KIF13B: variants seen among roughly 807,000 people sequenced by gnomAD.
The protein encoded by KIF13B is kinesin-like protein KIF13B.
In KIF13B, 127 loss-of-function variants were observed where a neutral mutation model predicts 222.0. The ratio of observed to expected loss-of-function variants is 0.57; its 90% CI spans 0.50 to 0.66. The LOEUF (loss-of-function observed/expected upper bound fraction) is 0.66, where lower values mean the gene tolerates loss of function less well. KIF13B is among the 30% of genes least tolerant of loss of function. KIF13B has a pLI of 0.00. For missense variants in KIF13B, 2,173 were observed against 2,379.0 expected, an observed-to-expected ratio of 0.91 and a Z score of 1.80; for synonymous variants, 976 against 919.0, an observed-to-expected ratio of 1.06 and a Z score of -1.12.
At position 29,070,537 on chromosome 8, in the gene KIF13B, C is replaced by A; in HGVS notation, c.5448G>T (p.Lys1816Asn). 1 of 1,610,080 alleles carries A rather than the reference C, an allele frequency of 6.2e-7. No individual in the cohort carries two copies. The highest frequency in any genetic ancestry group is 8.5e-7 in the Non-Finnish European group (1 of 1,178,742). ...CCCAGGATTTCCGGTTCTCAGGGTT[C>A]TTGTGGCTCCTGTCGGCCTTGGCCA... ...AALAKADRSH[K>N]NPENRKSWAS Residue 1816 changes from lysine (K) to asparagine (N), a missense_variant, in exon 40 of 40, where the codon AAG becomes AAT. Lys to Asn is a moderately conservative substitution (Grantham distance 94). Around this residue, in one of 2 missense-constraint regions of KIF13B, gnomAD observed 693 missense variants for 656.2 expected, o/e 1.06. Transcript: ENST00000524189. This position sits in a 1 kb window ranked among gnomAD's most constrained non-coding sequence, Gnocchi z 4.1.
chr8:29,168,807 AC>A (rs1460386100), intron 10 of KIF13B, among the ~76,000 whole-genome samples: 2 of 152,168 alleles, frequency 1.3e-5, no homozygotes, highest in African/African-American at 4.8e-5. Flanking sequence ...AGCCACACGC[AC>A]CCGGAGTCCT....
chr8:29,137,184 A>G (rs1238828707), intron 21 of KIF13B, among the ~76,000 whole-genome samples: 2 of 152,172 alleles, frequency 1.3e-5, no homozygotes, highest in Non-Finnish European at 2.9e-5. Flanking sequence ...TTACCATTCA[A>G]AATTAATCAC....
At position 29,260,777 on chromosome 8, in the gene KIF13B, C is replaced by T. The variant is rs59159612; in HGVS notation, c.55+2203G>A. Among the ~76,000 whole-genome samples the T allele has an allele frequency of 1.1e-3, 162 of 152,130 alleles. 1 individual carries two copies. The highest frequency in any genetic ancestry group is 3.6e-3 in the African/African-American group (151 of 41,508). Reference sequence around the variant, plus strand: ...GATTACAGGCGTCCACCACCACGCCCGGCTAATTTTTTGTATTTTTAGTAG... The same window carrying T: ...GATTACAGGCGTCCACCACCACGCCTGGCTAATTTTTTGTATTTTTAGTAG... On this transcript the variant is annotated intron_variant, in intron 1 of 39. Transcript: ENST00000524189.
At chr8:29,092,278 A>ACCCT (rs2133548165) in intron 37 of KIF13B, among the ~76,000 whole-genome samples, 1 of 152,352 alleles carries the variant, frequency 6.6e-6, no homozygotes, top group East Asian at 1.9e-4. Context: ...GTTTTAAGAG[A>ACCCT]AAAGGATATA....
At chr8:29,196,286 G>A (rs1813419684) in intron 2 of KIF13B, 87 bp from the exon 3 acceptor site, 2 of 1,067,674 alleles carry the variant, frequency 1.9e-6, no homozygotes, top group East Asian at 2.6e-5. Flanking sequence ...TTTTTTTGAA[G>A]GGTAAAATAA....
chr8:29,193,560 T>C (rs1198328069), intron 3 of KIF13B, among the ~76,000 whole-genome samples: 1 of 152,236 alleles, frequency 6.6e-6, no homozygotes, highest in African/African-American at 2.4e-5. Context: ...ATCCTGATTC[T>C]TGTAAGCTTA....
At position 29,146,487 on chromosome 8, in the gene KIF13B, G is replaced by A. The variant is rs1811064256; in HGVS notation, c.2078C>T (p.Ala693Val). 1 of 1,613,566 alleles carries A rather than the reference G, an allele frequency of 6.2e-7. No homozygotes were observed. The highest frequency in any genetic ancestry group is 1.3e-5 in the African/African-American group (1 of 74,848). The change falls in exon 18 of 40, where the codon GCC (alanine) becomes GTC (valine). Residue 693 changes from alanine to valine, a missense_variant. By Grantham distance (64) the Ala-to-Val change is moderately conservative (BLOSUM62 0). Around this residue, in one of 2 missense-constraint regions of KIF13B, gnomAD observed 1,480 missense variants for 1,722.8 expected, o/e 0.86. Transcript: ENST00000524189. The part of the protein sequence containing the change: ...LMRLREQIVK[A>V]NLLVREANYI... ...ATTAGCTTCTCTCACCAATAGATTG[G>A]CCTTAACAATTTGTTCCCTCAGCCT...
At position 29,070,411 on chromosome 8, in the gene KIF13B, G is replaced by A; in HGVS notation, c.*93C>T. 7.0e-7 allele frequency: 1 copy of A among 1,423,534 alleles called. No individual in the cohort carries two copies. Among genetic ancestry groups the A allele is most frequent in the Non-Finnish European group, 9.6e-7 (1 of 1,040,776 alleles). The allele number at this position is 1,423,534 out of a possible 1,614,324, so 88.2% of individuals were successfully genotyped here. ...CATTCATCGCCCTGCCCCTGGGGAA[G>A]GGGCCACCGGGCTCCTGGCTCCTCA... On this transcript the variant is annotated 3_prime_UTR_variant, in exon 40 of 40. Transcript: ENST00000524189. This position sits in a 1 kb window ranked among gnomAD's most constrained non-coding sequence, Gnocchi z 4.1.
At chr8:29,190,007 T>C (rs955920857) in intron 4 of KIF13B, 2 of 152,258 alleles carry the variant, frequency 1.3e-5, no homozygotes, top group Non-Finnish European at 2.9e-5. Flanking sequence ...GGTACTCATA[T>C]ATATCCTATG....
intron 35 of KIF13B, among the ~76,000 whole-genome samples, chr8:29,103,928 C>T (rs1408055388): frequency 6.6e-6 from 1 of 152,190 alleles, no homozygotes; most frequent in Non-Finnish European, 1.5e-5. Flanking sequence ...ATCCCCAGCC[C>T]TGCACGGAAG....
At chr8:29,166,475 T>C (rs1409015999) in intron 11 of KIF13B, among the ~76,000 whole-genome samples, 1 of 151,536 alleles carries the variant, frequency 6.6e-6, no homozygotes, top group Non-Finnish European at 1.5e-5. Context: ...GAGGCGGGCG[T>C]ATCACCTGAG....
At chr8:29,157,467 C>A (rs1337756878) in intron 13 of KIF13B, among the ~76,000 whole-genome samples, 2 of 150,182 alleles carry the variant, frequency 1.3e-5, no homozygotes, top group South Asian at 4.2e-4. Context: ...CTTTGGGAGG[C>A]TGAGGTGGGT....
At chr8:29,196,306 T>C in intron 2 of KIF13B, 107 bp from the exon 3 acceptor site, 2 of 897,112 alleles carry the variant, frequency 2.2e-6, no homozygotes, top group Non-Finnish European at 1.7e-6. Context: ...ATAAACATTA[T>C]GTAAATTCAC....
rs763855582 is a variant in KIF13B, at chr8:29,067,319, T to G, written c.*3185A>C. The G allele has an allele frequency of 9.8e-5, 15 of 152,690 alleles. No individual in the cohort carries two copies. The highest frequency in any genetic ancestry group is 3.9e-4 in the East Asian group (2 of 5,186). 9.5% of individuals were successfully genotyped at this position (152,690 alleles called of 1,614,324 possible). A position where few individuals can be genotyped will look rare whatever the true frequency, so the allele number is the denominator to read the frequency against. On this transcript the variant is annotated 3_prime_UTR_variant, in exon 40 of 40. Transcript: ENST00000524189. ...TCTGGTTTTATTGAGAAGCTGTTGGTCATTTGATGGAAAGACACATACGGT... is the reference window on the plus strand; with the variant it reads ...TCTGGTTTTATTGAGAAGCTGTTGGGCATTTGATGGAAAGACACATACGGT...
chr8:29,078,223 A>C (rs1477089496), intron 37 of KIF13B, among the ~76,000 whole-genome samples: 2 of 148,598 alleles, frequency 1.3e-5, no homozygotes, highest in African/African-American at 5.0e-5. Flanking sequence ...TGAACCTGGG[A>C]GGTGGAGGTT....
chr8:29,165,796 T>C (rs1484937069), intron 11 of KIF13B, 24 bp from the exon 12 acceptor site: 2 of 1,524,118 alleles, frequency 1.3e-6, no homozygotes, highest in Non-Finnish European at 1.8e-6. Flanking sequence ...GTTTACTTCA[T>C]GAAATGTCTA....
chr8:29,122,565 C>T (rs1223901841), intron 29 of KIF13B, 26 bp downstream of exon 29: 1 of 1,589,350 alleles, frequency 6.3e-7, no homozygotes, highest in South Asian at 1.1e-5. Flanking sequence ...CAGAGGTAAG[C>T]CTTCAGAAAA....
chr8:29,191,296 C>T (rs1813173134), intron 3 of KIF13B, among the ~76,000 whole-genome samples: 2 of 152,184 alleles, frequency 1.3e-5, no homozygotes, highest in African/African-American at 4.8e-5. Context: ...CACACACATG[C>T]ACCTACAGTC....
chr8:29,090,710 TTTTTA>T (rs1808259491), intron 37 of KIF13B, among the ~76,000 whole-genome samples: 2 of 152,346 alleles, frequency 1.3e-5, no homozygotes, highest in Non-Finnish European at 2.9e-5. Context: ...TGTATTTTTA[TTTTTA>T]TTTATTTACT....
Sources: allele counts gnomAD v4.1 joint callset (sites outside exome capture counted in the v4.1 genomes callset), GRCh38; gene constraint gnomAD v4.1.1; regional missense constraint gnomAD v4.1.1; non-coding constraint Gnocchi (gnomAD v3.1); transcripts MANE v1.5; gene names NCBI Gene and HGNC (gene_info 2026-07-23, HGNC 2026-07-21).